The following AFAP1 variants were observed in gnomAD, a reference collection of about 807,000 sequenced individuals.
AFAP1 encodes the protein actin filament associated protein 1.
A neutral mutation model predicts 93.9 loss-of-function variants in AFAP1; 75 were observed. That is an observed-to-expected ratio of 0.80 (90% confidence interval 0.66 to 0.97). The LOEUF (loss-of-function observed/expected upper bound fraction) is 0.97, where lower values mean the gene tolerates loss of function less well. Among genes scored for constraint, AFAP1 ranks in the 50% least tolerant of loss-of-function variants. The pLI, the probability that AFAP1 is intolerant of heterozygous loss-of-function variation, is 0.00. For synonymous variants in AFAP1, 517 were observed against 430.7 expected, an observed-to-expected ratio of 1.20 and a Z score of -2.48; for missense variants, 1,201 against 1,050.8, an observed-to-expected ratio of 1.14 and a Z score of -1.98.
chr4:7,807,896 A>G (rs1016183540), intron 9 of AFAP1, among the ~76,000 whole-genome samples: 1 of 152,192 alleles, frequency 6.6e-6, no homozygotes, highest in East Asian at 1.9e-4. Context: ...ACCATGGCCC[A>G]TCCTCTGTAT....
intron 6 of AFAP1, among the ~76,000 whole-genome samples, chr4:7,827,131 G>A (rs771164975): frequency 2.0e-5 from 3 of 152,126 alleles, no homozygotes; most frequent in Non-Finnish European, 4.4e-5. Flanking sequence ...GCCCACAGGA[G>A]AGAAGAGGAC....
chr4:7,782,099 C>T (rs1273588700), intron 12 of AFAP1, among the ~76,000 whole-genome samples: 1 of 152,182 alleles, frequency 6.6e-6, no homozygotes, highest in Non-Finnish European at 1.5e-5. Context: ...CACACGAGGT[C>T]CTAGCAGAGC....
chr4:7,834,092 TACACACACACAC>T (rs142790415), intron 6 of AFAP1, among the ~76,000 whole-genome samples: 86 of 126,672 alleles, frequency 6.8e-4, no homozygotes, highest in Admixed American at 1.7e-3. Context: ...AACTGTGGCA[TACACACACACAC>T]ACACACACAC....
At position 7,763,698 on chromosome 4, in the gene AFAP1, G is replaced by T. The variant is rs778587098; in HGVS notation, c.*67C>A. ...GCCACTCTGGGCAGAGCTTCCTGCC[G>T]TCACACAGATGAGGATACAGGCAAG... On this transcript the variant is annotated 3_prime_UTR_variant, in exon 18 of 18. Coordinates refer to ENST00000420658, the MANE Select transcript of AFAP1 (RefSeq NM_001134647.2). 1 of 1,543,532 alleles carries T rather than the reference G, an allele frequency of 6.5e-7. No individual in the cohort carries two copies. Among genetic ancestry groups the T allele is most frequent in the South Asian group, 1.2e-5 (1 of 83,822 alleles).
intron 1 of AFAP1, among the ~76,000 whole-genome samples, chr4:7,906,488 C>A (rs1475213236): frequency 6.6e-6 from 1 of 152,178 alleles, no homozygotes; most frequent in East Asian, 1.9e-4. Flanking sequence ...AATAGTGAGT[C>A]CAGCCAATGT....
At chr4:7,899,286 G>A (rs1215028399) in intron 1 of AFAP1, among the ~76,000 whole-genome samples, 1 of 151,994 alleles carries the variant, frequency 6.6e-6, no homozygotes, top group East Asian at 1.9e-4. Flanking sequence ...CTTCCCCCAG[G>A]ACCCCCGTTT....
At chr4:7,781,918 GA>G (rs1309132533) in intron 12 of AFAP1, among the ~76,000 whole-genome samples, 13 of 152,134 alleles carry the variant, frequency 8.5e-5, no homozygotes, top group African/African-American at 3.1e-4. Context: ...AGAACTCTTG[GA>G]TTATGAAGTT....
At chr4:7,814,889 T>TTATGGCATTTA (rs1720341735) in intron 8 of AFAP1, among the ~76,000 whole-genome samples, 1 of 152,174 alleles carries the variant, frequency 6.6e-6, no homozygotes, top group Non-Finnish European at 1.5e-5. Context: ...AGGGTGAATT[T>TTATGGCATTTA]TATGGCATTT....
intron 9 of AFAP1, among the ~76,000 whole-genome samples, chr4:7,806,156 G>A (rs372543266): frequency 3.3e-5 from 5 of 152,174 alleles, no homozygotes; most frequent in African/African-American, 1.2e-4. Context: ...TATTATCTAC[G>A]CGGCTGTGTG....
chr4:7,805,243 C>T (rs1341189189), intron 9 of AFAP1, among the ~76,000 whole-genome samples: 5 of 151,692 alleles, frequency 3.3e-5, no homozygotes, highest in Admixed American at 1.3e-4. Context: ...CCAAATGAGA[C>T]GTATCTAGCT....
At position 7,870,568 on chromosome 4, in the gene AFAP1, G is replaced by A. The variant is rs900710149; in HGVS notation, c.127+1384C>T. Reference sequence around the variant, plus strand: ...GCTACTAGGGAGGCTGCAGTGGGAGGATCACCTGAGCCTGGGAGGTTAATA... The same window carrying A: ...GCTACTAGGGAGGCTGCAGTGGGAGAATCACCTGAGCCTGGGAGGTTAATA... On this transcript the variant is annotated intron_variant, in intron 2 of 17. Coordinates refer to ENST00000420658, the MANE Select transcript of AFAP1 (RefSeq NM_001134647.2). Among the ~76,000 whole-genome samples, 3 of 152,034 alleles carry A rather than the reference G, an allele frequency of 2.0e-5. No homozygotes were observed. The East Asian group carries it at 5.8e-4, about 29-fold the overall frequency.
At chr4:7,798,975 T>A in intron 10 of AFAP1, 1 of 986,584 alleles carries the variant, frequency 1.0e-6, no homozygotes, top group Non-Finnish European at 1.2e-6. Flanking sequence ...GAGACCCGCA[T>A]TGTTACATCA....
Position 7,851,540 on chromosome 4 carries a change from C to T in AFAP1, c.334+3926G>A, listed in dbSNP as rs117445214. On this transcript the variant is annotated intron_variant, in intron 4 of 17. Coordinates refer to ENST00000420658, the MANE Select transcript of AFAP1 (RefSeq NM_001134647.2). ...GGCACATGATGTAAACAGACCTCAG[C>T]AGAAGAGGATCTTGATACTCGGGTA... Among the ~76,000 whole-genome samples, 23 of 152,316 alleles carry T rather than the reference C, an allele frequency of 1.5e-4. 1 individual carries two copies. In the East Asian group the frequency reaches 4.4e-3, roughly 29 times the overall value.
intron 17 of AFAP1, 41 bp downstream of exon 17, chr4:7,768,803 C>T (rs1043504309): frequency 2.0e-6 from 3 of 1,509,922 alleles, no homozygotes; most frequent in African/African-American, 1.4e-5. Flanking sequence ...CTTAAAGTGC[C>T]TGCCCAGGAC....
chr4:7,924,006 G>A (rs1008119058), intron 1 of AFAP1, among the ~76,000 whole-genome samples: 2 of 152,198 alleles, frequency 1.3e-5, no homozygotes, highest in Non-Finnish European at 1.5e-5. Flanking sequence ...AAACAAGTCA[G>A]TACTTTTTAT....
At chr4:7,800,097 G>A (rs558454807) in intron 10 of AFAP1, among the ~76,000 whole-genome samples, 1 of 152,250 alleles carries the variant, frequency 6.6e-6, no homozygotes, top group African/African-American at 2.4e-5. Context: ...TTATTTTCCA[G>A]GTGCTTTAGA....
At chr4:7,780,861 T>A (rs1716694143) in intron 13 of AFAP1, among the ~76,000 whole-genome samples, 1 of 152,132 alleles carries the variant, frequency 6.6e-6, no homozygotes, top group Non-Finnish European at 1.5e-5. Flanking sequence ...ATCTATTTCA[T>A]GTTTAAAAAG....
Position 7,761,170 on chromosome 4 carries a change from C to T in AFAP1, c.*2595G>A, listed in dbSNP as rs1305518269. On this transcript the variant is annotated 3_prime_UTR_variant, in exon 18 of 18. Transcript: ENST00000420658. ...TAAATTAAAAACTATATTTATTGAA[C>T]ATATACACATAAATAACTTATTCTG... 1 of 152,194 alleles carries T rather than the reference C, an allele frequency of 6.6e-6. No individual in the cohort carries two copies. Among genetic ancestry groups the T allele is most frequent in the Non-Finnish European group, 1.5e-5 (1 of 68,042 alleles). 9.4% of individuals were successfully genotyped at this position (152,194 alleles called of 1,614,324 possible).
intron 3 of AFAP1, among the ~76,000 whole-genome samples, chr4:7,865,363 G>A (rs1415448122): frequency 6.6e-6 from 1 of 152,216 alleles, no homozygotes; most frequent in African/African-American, 2.4e-5. Context: ...GCTCACGCCT[G>A]TAATTCCAAC....
Sources: allele counts gnomAD v4.1 joint callset (sites outside exome capture counted in the v4.1 genomes callset), GRCh38; gene constraint gnomAD v4.1.1; transcripts MANE v1.5; gene names NCBI Gene and HGNC (gene_info 2026-07-23, HGNC 2026-07-21).